The following PCDHGA4 variants were observed in gnomAD, a reference collection of about 807,000 sequenced individuals.
PCDHGA4 encodes protocadherin gamma-A4.
A neutral mutation model predicts 54.6 loss-of-function variants in PCDHGA4; 38 were observed. That is an observed-to-expected ratio of 0.70 (90% CI 0.54 to 0.91). The LOEUF (loss-of-function observed/expected upper bound fraction) is 0.91, where lower values mean the gene tolerates loss of function less well. PCDHGA4 is among the 40% of genes least tolerant of loss of function. The pLI is 0.00. For missense variants in PCDHGA4, 1,298 were observed against 1,220.9 expected (o/e 1.06, Z -0.94); for synonymous variants, 511 against 512.9 (o/e 1.00, Z 0.05).
In PCDHGA4 at chr5:141,357,059, G is replaced by T; in HGVS notation, c.1952G>T (p.Gly651Val). 1 of 1,613,980 alleles carries T rather than the reference G, an allele frequency of 6.2e-7. No individual in the cohort carries two copies. Among genetic ancestry groups the T allele is most frequent in the Non-Finnish European group, 8.5e-7 (1 of 1,179,970 alleles). ...KSSEPGLFAVGLHTGEVRTAR... is the reference protein window; with the variant it reads ...KSSEPGLFAVVLHTGEVRTAR... ...AGCGAGCCGGGACTATTTGCAGTGG[G>T]GCTGCACACAGGCGAGGTGCGCACC... The change falls in exon 1 of 4, where the codon GGG becomes GTG. Residue 651 changes from glycine to valine, a missense_variant. Physicochemically the swap from Gly to Val is moderately radical, Grantham distance 109. Transcript: ENST00000571252.
chr5:141,370,719 GTTGCTGA>G, intron 1 of PCDHGA4: 1 of 1,613,852 alleles, frequency 6.2e-7, no homozygotes. Flanking sequence ...ATTTGAAATG[GTTGCTGA>G]AAAGCCTTTA....
intron 1 of PCDHGA4, chr5:141,428,481 C>T (rs2097141995): frequency 3.0e-6 from 1 of 331,008 alleles, no homozygotes; most frequent in Non-Finnish European, 5.8e-6. Flanking sequence ...TGCTTTATTC[C>T]TGCAATCTGT....
At chr5:141,408,353 G>A (rs1218585930) in intron 1 of PCDHGA4, 1 of 1,613,816 alleles carries the variant, frequency 6.2e-7, no homozygotes, top group Non-Finnish European at 8.5e-7. Flanking sequence ...GGGGAACCTC[G>A]CTAAGGATCT....
In PCDHGA4 at chr5:141,490,658, T is replaced by A. The variant is rs776806248; in HGVS notation, c.2515-4149T>A. The A allele has an allele frequency of 8.1e-6, 13 of 1,614,204 alleles. No homozygotes were observed. The South Asian group carries it at 1.4e-4, about 18-fold the overall frequency. ...GAAAACCGGCCTCCGGGCTCCCTTC[T>A]TTGCACTGTGGCTGCCTCAGATCCA... On this transcript the variant is annotated intron_variant, in intron 1 of 3. Transcript: ENST00000571252. The surrounding 1 kb of genome is among the most constrained non-coding windows in gnomAD (Gnocchi z 5.4).
intron 1 of PCDHGA4, chr5:141,409,628 G>A (rs367728235): frequency 1.2e-6 from 2 of 1,613,730 alleles, no homozygotes; most frequent in Non-Finnish European, 1.7e-6. Context: ...GCAAGTGAGC[G>A]CCTCTGACCC....
chr5:141,419,391 G>A, intron 1 of PCDHGA4: 1 of 1,613,630 alleles, frequency 6.2e-7, no homozygotes. Flanking sequence ...AGCGCGCAGA[G>A]CGGGGTGGTG....
At chr5:141,470,574 CA>C (rs1369567985) in intron 1 of PCDHGA4, among the ~76,000 whole-genome samples, 1 of 152,188 alleles carries the variant, frequency 6.6e-6, no homozygotes, top group Non-Finnish European at 1.5e-5. Flanking sequence ...CAAGCAGGAT[CA>C]ACTTCATAGG....
Position 141,431,535 on chromosome 5 carries a change from C to T in PCDHGA4, c.2515-63272C>T. On this transcript the variant is annotated intron_variant, in intron 1 of 3. Coordinates refer to ENST00000571252, the MANE Select transcript of PCDHGA4 (RefSeq NM_018917.4). This position sits in a 1 kb window ranked among gnomAD's most constrained non-coding sequence, Gnocchi z 4.8. ...GTTCCGGAGAATCTGGCCTTGGGCA[C>T]GCAGCTGCTTGTAGTCAACGCTACC... is the stretch of plus-strand genomic sequence containing the variant. 3 of 1,614,076 alleles carry T rather than the reference C, an allele frequency of 1.9e-6. No individual in the cohort carries two copies. Among genetic ancestry groups the T allele is most frequent in the Non-Finnish European group, 2.5e-6 (3 of 1,180,038 alleles).
intron 1 of PCDHGA4, among the ~76,000 whole-genome samples, chr5:141,450,397 C>T (rs529143168): frequency 6.6e-6 from 1 of 152,300 alleles, no homozygotes; most frequent in South Asian, 2.1e-4. Flanking sequence ...TTTGTAAAGA[C>T]TAGAAGCCAT....
intron 3 of PCDHGA4, among the ~76,000 whole-genome samples, chr5:141,505,926 G>A (rs114056147): frequency 0.012 from 1,893 of 152,254 alleles, 12 homozygotes; most frequent in Middle Eastern, 0.034. Context: ...TGGGCCTGGC[G>A]CTTGGAAGCC....
chr5:141,410,661 A>G, intron 1 of PCDHGA4: 1 of 1,572,394 alleles, frequency 6.4e-7, no homozygotes, highest in Non-Finnish European at 8.6e-7. Context: ...CTAATAGTCT[A>G]CTAGTTTCTC....
chr5:141,365,058 C>A lies in PCDHGA4; in HGVS notation c.2514+7437C>A, dbSNP rs769039827. On this transcript the variant is annotated intron_variant, in intron 1 of 3. Coordinates refer to ENST00000571252, the MANE Select transcript of PCDHGA4 (RefSeq NM_018917.4). Reference sequence around the variant, plus strand: ...GCAAACGACAATGCGCCCCTGTTCACCCCATCCGAGTACAGCGTGAGTGTT... The same window carrying A: ...GCAAACGACAATGCGCCCCTGTTCAACCCATCCGAGTACAGCGTGAGTGTT... The A allele has an allele frequency of 1.1e-5, 17 of 1,613,776 alleles. No homozygotes were observed. Among genetic ancestry groups the A allele is most frequent in the Non-Finnish European group, 1.4e-5 (17 of 1,179,912 alleles).
intron 1 of PCDHGA4, among the ~76,000 whole-genome samples, chr5:141,462,829 G>T (rs770335372): frequency 4.6e-5 from 7 of 152,130 alleles, no homozygotes; most frequent in Non-Finnish European, 8.8e-5. Flanking sequence ...AGCAGACATT[G>T]TAAATGTTAT....
chr5:141,447,516 A>G (rs997127013), intron 1 of PCDHGA4, among the ~76,000 whole-genome samples: 1 of 152,220 alleles, frequency 6.6e-6, no homozygotes, highest in African/African-American at 2.4e-5. Flanking sequence ...ATGCATAACA[A>G]TCATAACAAA....
intron 1 of PCDHGA4, among the ~76,000 whole-genome samples, chr5:141,406,594 G>A (rs1463823326): frequency 1.3e-5 from 2 of 152,068 alleles, no homozygotes; most frequent in Non-Finnish European, 2.9e-5. Context: ...CCCTTTAATG[G>A]TGAAAGTTGT....
At chr5:141,405,422 GTT>G in intron 1 of PCDHGA4, 2 of 1,509,830 alleles carry the variant, frequency 1.3e-6, no homozygotes, top group Non-Finnish European at 1.8e-6. Context: ...TTTGTTTTTT[GTT>G]TTGTTTTGTT....
intron 1 of PCDHGA4, chr5:141,414,732 T>G: frequency 6.2e-7 from 1 of 1,614,186 alleles, no homozygotes; most frequent in Non-Finnish European, 8.5e-7. Context: ...GCGTCCTGTA[T>G]GCACTCAGAT....
At chr5:141,415,386 A>G (rs1383734863) in intron 1 of PCDHGA4, 9 of 1,614,156 alleles carry the variant, frequency 5.6e-6, no homozygotes, top group Non-Finnish European at 7.6e-6. Flanking sequence ...GCGGCTTGAC[A>G]GGTGTGTCCG....
In PCDHGA4 at chr5:141,509,341, G is replaced by C. The variant is rs552337350; in HGVS notation, c.2663-1606G>C. Among the ~76,000 whole-genome samples, 4 of 152,290 alleles carry C rather than the reference G, an allele frequency of 2.6e-5. No homozygotes were observed. The East Asian group carries it at 7.7e-4, about 29-fold the overall frequency. On this transcript the variant is annotated intron_variant, in intron 3 of 3. Transcript: ENST00000571252. ...GAAGCTCTACTGCCAGCTGGGCCTG[G>C]GCTGGCCTGGGCATCCCTGAGGTTT...
Sources: gnomAD v4.1 joint callset for allele counts (sites outside exome capture counted in the v4.1 genomes callset) on GRCh38, gnomAD v4.1.1 for gene constraint, Gnocchi (gnomAD v3.1) non-coding constraint, MANE v1.5 for transcripts, NCBI Gene and HGNC (gene_info 2026-07-23, HGNC 2026-07-21) for gene names.